Variants in ZNF718 observed in about 807,000 individuals in gnomAD.
The protein encoded by ZNF718 is zinc finger protein 718.
In ZNF718, 3 loss-of-function variants were observed where a neutral mutation model predicts 2.6. The ratio of observed to expected loss-of-function variants is 1.16; its 90% CI spans 0.53 to 3.01. ZNF718 has a LOEUF of 3.01. Ranked by LOEUF, ZNF718 falls within the 30% of genes most tolerant of loss-of-function variation. ZNF718 has a pLI of 0.03. For synonymous variants in ZNF718, 135 were observed against 77.9 expected, an observed-to-expected ratio of 1.73 and a Z score of -3.86; for missense variants, 468 against 230.0, an observed-to-expected ratio of 2.03 and a Z score of -6.69.
Position 124,591 on chromosome 4 carries a change from C to A in ZNF718, c.-80C>A. On this transcript the variant is annotated 5_prime_UTR_variant, in exon 1 of 4. Transcript: ENST00000510175. ...GGAAGCCTCGGTGATTCTGCCACAGCCTCAGCCTCTGTGGCTCTGTGACCT... is the reference window on the plus strand; with the variant it reads ...GGAAGCCTCGGTGATTCTGCCACAGACTCAGCCTCTGTGGCTCTGTGACCT... 1 of 1,574,914 alleles carries A rather than the reference C, an allele frequency of 6.3e-7. No homozygotes were observed. The highest frequency in any genetic ancestry group is 2.2e-5 in the East Asian group (1 of 44,480).
chr4:125,767 A>T (rs556566190), intron 1 of ZNF718, among the ~76,000 whole-genome samples: 144 of 152,214 alleles, frequency 9.5e-4, no homozygotes, highest in African/African-American at 3.4e-3. Flanking sequence ...CCCACTCCTG[A>T]GCACGCCCAC....
intron 3 of ZNF718, among the ~76,000 whole-genome samples, chr4:154,532 G>C (rs533126895): frequency 6.6e-6 from 1 of 152,298 alleles, no homozygotes; most frequent in Admixed American, 6.5e-5. Context: ...TGCAGTAAAG[G>C]TGTCTCTTGC....
chr4:201,781 A>C (rs1406061086), exon 5 of ZNF718: 1 of 187,108 alleles, frequency 5.3e-6, no homozygotes, highest in African/African-American at 2.4e-5. Context: ...ATTCCATGCC[A>C]CTGGTCTCCA....
intron 3 of ZNF718, among the ~76,000 whole-genome samples, chr4:190,510 A>C (rs781970957): frequency 4.0e-5 from 6 of 148,864 alleles, no homozygotes; most frequent in Non-Finnish European, 1.5e-5. Context: ...AGAAACAAGA[A>C]GCTATAAGGT....
chr4:189,686 C>T (rs1294985608), intron 3 of ZNF718, among the ~76,000 whole-genome samples: 1 of 152,140 alleles, frequency 6.6e-6, no homozygotes, highest in Non-Finnish European at 1.5e-5. Context: ...AATGTACATT[C>T]TTGTTCCATT....
intron 3 of ZNF718, among the ~76,000 whole-genome samples, chr4:139,535 C>T (rs1292007442): frequency 4.6e-5 from 7 of 152,218 alleles, no homozygotes; most frequent in Non-Finnish European, 1.0e-4. Flanking sequence ...TATTTAAACT[C>T]CCAAAAATTC....
chr4:139,466 C>T (rs1715716085), intron 3 of ZNF718, among the ~76,000 whole-genome samples: 1 of 152,188 alleles, frequency 6.6e-6, no homozygotes, highest in Non-Finnish European at 1.5e-5. Flanking sequence ...GGGCATGGGC[C>T]ATAAATAACT....
chr4:139,955 T>C (rs1373711712), intron 3 of ZNF718, among the ~76,000 whole-genome samples: 3 of 152,188 alleles, frequency 2.0e-5, no homozygotes, highest in Admixed American at 2.0e-4. Flanking sequence ...TCATTTTTTT[T>C]TCCTTTATTT....
chr4:157,326 C>G (rs1553813881), intron 3 of ZNF718, among the ~76,000 whole-genome samples: 1 of 151,876 alleles, frequency 6.6e-6, no homozygotes, highest in African/African-American at 2.4e-5. Context: ...GTTGGTCAGG[C>G]TGGTCTTGAG....
At chr4:164,464 G>A (rs1717039873), downstream of ZNF718, among the ~76,000 whole-genome samples, 1 of 151,968 alleles carries the variant, frequency 6.6e-6, no homozygotes, top group African/African-American at 2.4e-5. Flanking sequence ...AGAATCTAAT[G>A]GATCATTGTT....
intron 3 of ZNF718, among the ~76,000 whole-genome samples, chr4:152,636 A>G (rs999882655): frequency 1.3e-5 from 2 of 152,062 alleles, no homozygotes; most frequent in Admixed American, 6.6e-5. Flanking sequence ...GTACATAACA[A>G]AATGGAGTCT....
chr4:137,105 G>A (rs1715601924), intron 3 of ZNF718, among the ~76,000 whole-genome samples: 2 of 152,070 alleles, frequency 1.3e-5, no homozygotes, highest in Non-Finnish European at 2.9e-5. Context: ...TCTTGCTCCT[G>A]CTCCCACTAT....
chr4:133,195 A>AAAATATAT (rs1258303094), intron 3 of ZNF718, among the ~76,000 whole-genome samples: 6 of 20,774 alleles, frequency 2.9e-4, no homozygotes, highest in Non-Finnish European at 2.6e-4. Flanking sequence ...AAAAAAAAAA[A>AAAATATAT]ATATATATAT....
rs1164522262 is a variant in ZNF718 at position 133,195 on chromosome 4, AATAT to A, written c.226+1721_226+1724del. 4.8e-3 allele frequency among the ~76,000 whole-genome samples: 99 copies of A among 20,754 alleles called. 9 individuals are homozygous for A. The highest frequency in any genetic ancestry group is 0.011 in the East Asian group (3 of 272). 13.6% of individuals were successfully genotyped at this position (20,754 alleles called of 152,430 possible). On this transcript the variant is annotated intron_variant, in intron 3 of 3. Transcript: ENST00000510175. ...TCCATCTTAAAAAAAAAAAAAAAAAAATATATATATATATATATATATATATATA... is the reference window on the plus strand; with the variant it reads ...TCCATCTTAAAAAAAAAAAAAAAAAAATATATATATATATATATATATATA...
intron 3 of ZNF718, among the ~76,000 whole-genome samples, chr4:139,036 A>G (rs1170050354): frequency 1.3e-5 from 2 of 152,130 alleles, no homozygotes; most frequent in Non-Finnish European, 1.5e-5. Context: ...TTAATTCCTT[A>G]TAGGCAGTTT....
intron 3 of ZNF718, among the ~76,000 whole-genome samples, chr4:157,511 A>C (rs1383417057): frequency 6.6e-6 from 1 of 152,138 alleles, no homozygotes; most frequent in African/African-American, 2.4e-5. Flanking sequence ...GAAAAACTCG[A>C]TTAGAAATTT....
At chr4:153,571 T>G (rs1292867530) in intron 3 of ZNF718, among the ~76,000 whole-genome samples, 4 of 152,240 alleles carry the variant, frequency 2.6e-5, no homozygotes, top group African/African-American at 9.6e-5. Context: ...TTTCATATTT[T>G]TATCAATGAT....
At chr4:177,973 C>T (rs12108503) in intron 3 of ZNF718, among the ~76,000 whole-genome samples, 6,824 of 151,988 alleles carry the variant, frequency 0.045, 401 homozygotes, top group African/African-American at 0.13. Context: ...GCAGAGAGGA[C>T]GGGAAATACC....
intron 1 of ZNF718, among the ~76,000 whole-genome samples, chr4:126,287 G>A (rs1715216518): frequency 6.6e-6 from 1 of 152,206 alleles, no homozygotes. Context: ...TTTAGAGTGA[G>A]GGAAGAATTT....
Sources: gnomAD v4.1 joint callset for allele counts (sites outside exome capture counted in the v4.1 genomes callset) on GRCh38, gnomAD v4.1.1 for gene constraint, MANE v1.5 for transcripts, NCBI Gene and HGNC (gene_info 2026-07-23, HGNC 2026-07-21) for gene names.